The following APBB2 variants were observed in gnomAD, a reference collection of about 807,000 sequenced individuals.
The protein encoded by APBB2 is Fe65-like 1.
APBB2 carries 38 observed loss-of-function variants against 82.5 expected under a neutral mutation model. The observed-to-expected ratio is 0.46, with a 90% confidence interval of 0.36 to 0.60. APBB2 has a LOEUF of 0.60. APBB2 is among the 20% of genes least tolerant of loss of function. APBB2 has a pLI of 0.00. For missense variants in APBB2, 772 were observed against 972.3 expected (o/e 0.79, Z 2.74); for synonymous variants, 341 against 368.2 (o/e 0.93, Z 0.85).
chr4:40,902,326 C>T lies in APBB2; in HGVS notation c.1255-8915G>A, dbSNP rs192382925. Among the ~76,000 whole-genome samples the T allele has an allele frequency of 3.3e-5, 5 of 152,314 alleles. No individual in the cohort carries two copies. The East Asian group carries it at 5.8e-4, about 18-fold the overall frequency. On this transcript the variant is annotated intron_variant, in intron 10 of 17. Transcript: ENST00000508593. ...CTAGCGAAAGCTTTCTAGTTAGCAT[C>T]ACAATCCTCTTTTGGTTAGTGGATG...
At chr4:40,854,716 G>A (rs1047595243) in intron 12 of APBB2, among the ~76,000 whole-genome samples, 1 of 149,588 alleles carries the variant, frequency 6.7e-6, no homozygotes, top group East Asian at 1.9e-4. Context: ...TTGAATCTGG[G>A]AGACACAGGT....
intron 11 of APBB2, 86 bp from the exon 12 acceptor site, chr4:40,890,577 C>A: frequency 6.4e-7 from 1 of 1,550,610 alleles, no homozygotes; most frequent in South Asian, 1.2e-5. Context: ...AATGCCGTGT[C>A]AACCATCAGA....
At chr4:41,050,707 G>T (rs557792002) in intron 4 of APBB2, among the ~76,000 whole-genome samples, 1 of 152,308 alleles carries the variant, frequency 6.6e-6, no homozygotes, top group South Asian at 2.1e-4. Context: ...AAGAGGGAGG[G>T]AGAAGGAATG....
chr4:41,063,528 C>A (rs540865585), intron 4 of APBB2, among the ~76,000 whole-genome samples: 11 of 152,300 alleles, frequency 7.2e-5, no homozygotes, highest in Non-Finnish European at 1.5e-4. Context: ...TACCCCAACA[C>A]TGCTGGCTTT....
At chr4:40,984,514 G>C (rs1560455787) in intron 6 of APBB2, among the ~76,000 whole-genome samples, 1 of 152,134 alleles carries the variant, frequency 6.6e-6, no homozygotes, top group Non-Finnish European at 1.5e-5. Flanking sequence ...AGGTCAGGGA[G>C]GCCAAATTCC....
At chr4:41,203,207 T>A (rs1580810930) in intron 1 of APBB2, among the ~76,000 whole-genome samples, 1 of 151,802 alleles carries the variant, frequency 6.6e-6, no homozygotes, top group Non-Finnish European at 1.5e-5. Context: ...AAGATACACA[T>A]ATACACACAC....
chr4:40,827,235 T>G lies in APBB2; in HGVS notation c.1645-16A>C. ...CAGCCATAATCTAAGGGGGAAAAAG[T>G]GCAGCTTTGGAGCGTGGGTTCAAGC... is the stretch of plus-strand genomic sequence containing the variant. On this transcript the variant is annotated splice_polypyrimidine_tract_variant and intron_variant, in intron 13 of 17. Coordinates refer to ENST00000508593, the MANE Select transcript of APBB2 (RefSeq NM_004307.2). 1 of 1,613,456 alleles carries G rather than the reference T, an allele frequency of 6.2e-7. No individual in the cohort carries two copies. The highest frequency in any genetic ancestry group is 8.5e-7 in the Non-Finnish European group (1 of 1,179,412).
Position 40,865,310 on chromosome 4 carries a change from T to C in APBB2, c.1529+25054A>G, listed in dbSNP as rs555858542. On this transcript the variant is annotated intron_variant, in intron 12 of 17. Transcript: ENST00000508593. ...AAAGCTGGCTGTCTGGCAAGTTCCA[T>C]GATTGTAATTTGAGAAAATCACATT... is the stretch of plus-strand genomic sequence containing the variant. 1.6e-4 allele frequency among the ~76,000 whole-genome samples: 24 copies of C among 152,264 alleles called. No homozygotes were observed. In the South Asian group the frequency reaches 3.9e-3, roughly 25 times the overall value.
At chr4:40,932,113 C>A (rs1010431940) in intron 10 of APBB2, among the ~76,000 whole-genome samples, 1 of 152,238 alleles carries the variant, frequency 6.6e-6, no homozygotes, top group African/African-American at 2.4e-5. Flanking sequence ...ATTCCTATTA[C>A]AATTCCATCT....
At chr4:41,211,793 A>G (rs192154723) in intron 1 of APBB2, among the ~76,000 whole-genome samples, 3 of 152,242 alleles carry the variant, frequency 2.0e-5, no homozygotes, top group African/African-American at 7.2e-5. Context: ...GGTATTGTCT[A>G]TTTTTAAAAT....
intron 10 of APBB2, among the ~76,000 whole-genome samples, chr4:40,930,492 T>C (rs566580297): frequency 6.7e-6 from 1 of 149,062 alleles, no homozygotes; most frequent in East Asian, 1.9e-4. Flanking sequence ...TGCGTGTGTA[T>C]GTGTGTGGTG....
At chr4:41,206,536 C>G (rs1392951684) in intron 1 of APBB2, among the ~76,000 whole-genome samples, 2 of 152,176 alleles carry the variant, frequency 1.3e-5, no homozygotes, top group Admixed American at 6.5e-5. Flanking sequence ...ATACACAGAC[C>G]TTGGTTCTTG....
At chr4:41,053,762 T>G (rs1259014752) in intron 4 of APBB2, among the ~76,000 whole-genome samples, 2 of 152,232 alleles carry the variant, frequency 1.3e-5, no homozygotes, top group Admixed American at 6.5e-5. Flanking sequence ...TACAGCAAGT[T>G]CACACAGAGG....
chr4:40,926,040 T>TA (rs1433220960), intron 10 of APBB2, among the ~76,000 whole-genome samples: 1 of 152,058 alleles, frequency 6.6e-6, no homozygotes, highest in Admixed American at 6.6e-5. Context: ...CCAGTGCCAA[T>TA]AAAAAAAGTT....
At chr4:40,969,839 T>C (rs150385229) in intron 6 of APBB2, among the ~76,000 whole-genome samples, 39 of 152,376 alleles carry the variant, frequency 2.6e-4, no homozygotes, top group Non-Finnish European at 4.9e-4. Flanking sequence ...GGTTACCCAA[T>C]ATAATATCTT....
chr4:40,965,439 T>C (rs148306168), intron 6 of APBB2, among the ~76,000 whole-genome samples: 384 of 152,288 alleles, frequency 2.5e-3, no homozygotes, highest in Non-Finnish European at 4.5e-3. Flanking sequence ...GTTCTAGAGC[T>C]GTGCTGTCCA....
chr4:40,874,957 G>GA (rs1262259979), intron 12 of APBB2, among the ~76,000 whole-genome samples: 19 of 152,000 alleles, frequency 1.3e-4, no homozygotes, highest in Non-Finnish European at 2.2e-4. Context: ...GAGTAGTAAA[G>GA]AAAAAAAATC....
intron 6 of APBB2, among the ~76,000 whole-genome samples, chr4:40,957,456 C>T (rs1480716269): frequency 2.0e-5 from 3 of 152,266 alleles, no homozygotes; most frequent in East Asian, 1.9e-4. Flanking sequence ...TTCATTAGCA[C>T]GTGGCTGTTT....
intron 2 of APBB2, among the ~76,000 whole-genome samples, chr4:41,133,066 T>C (rs1756521272): frequency 6.6e-6 from 1 of 152,138 alleles, no homozygotes; most frequent in African/African-American, 2.4e-5. Context: ...TATACCTTTT[T>C]TAAAAAAATT....
Sources: allele counts gnomAD v4.1 joint callset (sites outside exome capture counted in the v4.1 genomes callset), GRCh38; gene constraint gnomAD v4.1.1; transcripts MANE v1.5; gene names NCBI Gene and HGNC (gene_info 2026-07-23, HGNC 2026-07-21).